Variants in IGF2BP3 observed in about 807,000 individuals in gnomAD.
IGF2BP3 encodes insulin like growth factor 2 mRNA binding protein 3.
A neutral mutation model predicts 73.8 loss-of-function variants in IGF2BP3; 9 were observed. The observed-to-expected ratio is 0.12, with a 90% CI of 0.07 to 0.21. The LOEUF is 0.21. Among genes scored for constraint, IGF2BP3 ranks in the 10% least tolerant of loss-of-function variants. The pLI is 1.00. For synonymous variants in IGF2BP3, 258 were observed against 256.7 expected (o/e 1.01, Z -0.05); for missense variants, 542 against 714.0 (o/e 0.76, Z 2.75).
chr7:23,427,745 C>T (rs77796265), intron 2 of IGF2BP3, among the ~76,000 whole-genome samples: 27 of 152,244 alleles, frequency 1.8e-4, no homozygotes, highest in Admixed American at 1.4e-3. Flanking sequence ...CAGTGGCTCA[C>T]GCCTGTAATC....
intron 10 of IGF2BP3, among the ~76,000 whole-genome samples, chr7:23,327,576 C>T (rs559974012): frequency 2.0e-5 from 3 of 152,132 alleles, no homozygotes; most frequent in East Asian, 1.9e-4. Context: ...CCACCGCACC[C>T]GTCCTGAAAT....
At chr7:23,356,342 G>T (rs1440228395) in intron 5 of IGF2BP3, among the ~76,000 whole-genome samples, 1 of 151,966 alleles carries the variant, frequency 6.6e-6, no homozygotes, top group African/African-American at 2.4e-5. Context: ...AGGATCACTT[G>T]AGCCCCGCAG....
At chr7:23,434,392 A>G (rs1787759814) in intron 2 of IGF2BP3, among the ~76,000 whole-genome samples, 1 of 152,110 alleles carries the variant, frequency 6.6e-6, no homozygotes, top group Non-Finnish European at 1.5e-5. Flanking sequence ...TAATAATCTC[A>G]CCACCCCAAA....
intron 3 of IGF2BP3, among the ~76,000 whole-genome samples, chr7:23,368,763 C>T (rs1326454065): frequency 1.3e-5 from 2 of 151,770 alleles, no homozygotes; most frequent in African/African-American, 4.8e-5. Context: ...CGGGCGTGGT[C>T]GCGCTTGCCT....
At chr7:23,433,654 C>T (rs1787742354) in intron 2 of IGF2BP3, among the ~76,000 whole-genome samples, 1 of 152,020 alleles carries the variant, frequency 6.6e-6, no homozygotes, top group Non-Finnish European at 1.5e-5. Flanking sequence ...CTTTGTTTTA[C>T]TTAATGTGGC....
intron 3 of IGF2BP3, among the ~76,000 whole-genome samples, chr7:23,376,838 C>A (rs538597394): frequency 6.6e-6 from 1 of 152,030 alleles, no homozygotes; most frequent in African/African-American, 2.4e-5. Context: ...GGCAACACAG[C>A]GAAACCTGTC....
chr7:23,458,639 G>A (rs546650354), intron 2 of IGF2BP3, among the ~76,000 whole-genome samples: 9 of 152,084 alleles, frequency 5.9e-5, no homozygotes, highest in Non-Finnish European at 8.8e-5. Context: ...CAACTTCTCC[G>A]CAAGCCACTT....
At chr7:23,347,869 T>C (rs1421676466) in intron 6 of IGF2BP3, 135 bp from the exon 7 acceptor site, 12 of 954,574 alleles carry the variant, frequency 1.3e-5, no homozygotes, top group Non-Finnish European at 1.7e-5. Flanking sequence ...GAGCATAAAC[T>C]TTCAATAAGC....
chr7:23,412,453 A>G (rs1487939972), intron 3 of IGF2BP3, among the ~76,000 whole-genome samples: 1 of 152,236 alleles, frequency 6.6e-6, no homozygotes, highest in African/African-American at 2.4e-5. Flanking sequence ...ATTTTTAAGT[A>G]TGTATTCCCC....
intron 3 of IGF2BP3, among the ~76,000 whole-genome samples, chr7:23,411,411 G>A (rs936900524): frequency 3.3e-5 from 5 of 151,982 alleles, no homozygotes; most frequent in Admixed American, 6.6e-5. Flanking sequence ...GTGAAACCCC[G>A]TCTCTACTAA....
intron 2 of IGF2BP3, among the ~76,000 whole-genome samples, chr7:23,432,242 G>A (rs929690128): frequency 6.6e-6 from 1 of 152,276 alleles, no homozygotes; most frequent in East Asian, 1.9e-4. Context: ...CACTAGAAGA[G>A]TCCAAAAAAG....
At chr7:23,324,391 T>C (rs1346719381) in intron 10 of IGF2BP3, among the ~76,000 whole-genome samples, 3 of 151,168 alleles carry the variant, frequency 2.0e-5, no homozygotes, top group East Asian at 3.9e-4. Flanking sequence ...AATCTCTGAA[T>C]AGACCAATAA....
At chr7:23,339,713 T>C (rs1279232205) in intron 10 of IGF2BP3, among the ~76,000 whole-genome samples, 2 of 152,202 alleles carry the variant, frequency 1.3e-5, no homozygotes, top group South Asian at 4.1e-4. Context: ...GAGAGAAAGC[T>C]AATTTAGGGG....
Position 23,469,941 on chromosome 7 carries a change from A to G in IGF2BP3, c.170T>C (p.Leu57Pro), listed in dbSNP as rs2128553718. The G allele has an allele frequency of 1.2e-6, 2 of 1,608,712 alleles. No homozygotes were observed. Among genetic ancestry groups the G allele is most frequent in the Middle Eastern group, 1.8e-4 (1 of 5,532 alleles). ...GGGGCCAGGCCCGGGCCCACCTGAAAGCGCCTCGATGGCCTTGAGGGCCCA... is the reference window on the plus strand; with the variant it reads ...GGGGCCAGGCCCGGGCCCACCTGAAGGCGCCTCGATGGCCTTGAGGGCCCA... ...ESWALKAIEA[L>P]SGKIELHGKP... The change falls in exon 1 of 15, where the codon CTT becomes CCT. Residue 57 changes from leucine (L) to proline (P), a missense_variant. By Grantham distance (98) the Leu-to-Pro change is moderately conservative. Around this residue, in one of 2 missense-constraint regions of IGF2BP3, gnomAD observed 239 missense variants for 241.9 expected, o/e 0.99. Transcript: ENST00000258729. This position sits in a 1 kb window ranked among gnomAD's most constrained non-coding sequence, Gnocchi z 6.1.
intron 2 of IGF2BP3, among the ~76,000 whole-genome samples, chr7:23,429,642 A>G (rs759939743): frequency 5.3e-5 from 8 of 152,230 alleles, no homozygotes; most frequent in Non-Finnish European, 1.0e-4. Context: ...TTAAACCACA[A>G]TAACTTACAT....
rs183350864 is a variant in IGF2BP3 at position 23,410,083 on chromosome 7, C to T, written c.285+8693G>A. On this transcript the variant is annotated intron_variant, in intron 3 of 14. Coordinates refer to ENST00000258729, the MANE Select transcript of IGF2BP3 (RefSeq NM_006547.3). ...ACTCAGGAGGCTGAGACACGAGAAT[C>T]GCTTGAACCCAGGAGGCAGAGGTTG... 9.3e-4 allele frequency among the ~76,000 whole-genome samples: 142 copies of T among 152,254 alleles called. 1 individual carries two copies. In the East Asian group the frequency reaches 0.024, roughly 25 times the overall value.
chr7:23,380,455 G>A (rs1785874598), intron 3 of IGF2BP3, among the ~76,000 whole-genome samples: 1 of 152,094 alleles, frequency 6.6e-6, no homozygotes, highest in Non-Finnish European at 1.5e-5. Context: ...GAGCCACCGT[G>A]CCCGGCCTAC....
chr7:23,437,509 T>C (rs1447813609), intron 2 of IGF2BP3, among the ~76,000 whole-genome samples: 3 of 151,482 alleles, frequency 2.0e-5, no homozygotes, highest in Non-Finnish European at 2.9e-5. Context: ...AATAAATAAA[T>C]AAATAAATAA....
intron 10 of IGF2BP3, 21 bp from the exon 11 acceptor site, chr7:23,319,275 G>GAC (rs748291267): frequency 6.7e-7 from 1 of 1,490,832 alleles, no homozygotes; most frequent in Non-Finnish European, 9.3e-7. Flanking sequence ...AGAAAGCCAG[G>GAC]ACACCCATGT....
Sources: gnomAD v4.1 joint callset for allele counts (sites outside exome capture counted in the v4.1 genomes callset) on GRCh38, gnomAD v4.1.1 for gene constraint, gnomAD v4.1.1 regional missense constraint, Gnocchi (gnomAD v3.1) non-coding constraint, MANE v1.5 for transcripts, NCBI Gene and HGNC (gene_info 2026-07-23, HGNC 2026-07-21) for gene names.